SH3BGR: variants seen among roughly 807,000 people sequenced by gnomAD.
SH3BGR encodes the protein SH3 domain binding glutamate rich protein, also known as SH3 domain-binding glutamic acid-rich protein.
A neutral mutation model predicts 24.5 loss-of-function variants in SH3BGR; 29 were observed. The ratio of observed to expected loss-of-function variants is 1.18; its 90% confidence interval spans 0.88 to 1.61. The LOEUF (loss-of-function observed/expected upper bound fraction) is 1.61. Ranked by LOEUF, SH3BGR falls within the 40% of genes most tolerant of loss-of-function variation. The pLI is 0.00. For synonymous variants in SH3BGR, 55 were observed against 65.7 expected, an observed-to-expected ratio of 0.84 and a Z score of 0.79; for missense variants, 162 against 205.8, an observed-to-expected ratio of 0.79 and a Z score of 1.30.
chr21:39,472,644 T>C (rs1360488419), intron 2 of SH3BGR, among the ~76,000 whole-genome samples: 2 of 152,218 alleles, frequency 1.3e-5, no homozygotes, highest in African/African-American at 4.8e-5. Context: ...TGAATTCTAC[T>C]TGTGGTTATA....
intron 2 of SH3BGR, among the ~76,000 whole-genome samples, chr21:39,472,668 G>A (rs1411149997): frequency 9.2e-5 from 14 of 152,158 alleles, no homozygotes; most frequent in Admixed American, 4.6e-4. Flanking sequence ...TCTCAGAGGA[G>A]AATATTTTCC....
chr21:39,499,767 T>G, intron 3 of SH3BGR, 56 bp from the exon 4 acceptor site: 1 of 1,351,244 alleles, frequency 7.4e-7, no homozygotes, highest in Non-Finnish European at 1.0e-6. Flanking sequence ...GTGGCCTGTT[T>G]TTTTTTTTCT....
At chr21:39,462,272 A>G (rs988093421) in intron 1 of SH3BGR, 103 bp from the exon 2 acceptor site, 4 of 781,616 alleles carry the variant, frequency 5.1e-6, no homozygotes, top group Middle Eastern at 3.3e-4. Flanking sequence ...ACTTAACAAA[A>G]TTATTTGTGT....
chr21:39,457,533 CTT>C (rs1287758099), intron 1 of SH3BGR, among the ~76,000 whole-genome samples: 2 of 144,798 alleles, frequency 1.4e-5, no homozygotes, highest in African/African-American at 5.0e-5. Flanking sequence ...ATATATAAAT[CTT>C]ATATATAAGA....
At chr21:39,448,232 G>T (rs949010176), upstream of SH3BGR, among the ~76,000 whole-genome samples, 3 of 152,146 alleles carry the variant, frequency 2.0e-5, no homozygotes, top group African/African-American at 7.2e-5. Context: ...TCCAAATAAG[G>T]TTACATGCTG....
chr21:39,479,716 CACTT>C, intron 3 of SH3BGR, among the ~76,000 whole-genome samples: 1 of 152,278 alleles, frequency 6.6e-6, no homozygotes. Flanking sequence ...AGGGGACAGT[CACTT>C]GCCGTCCAGG....
chr21:39,450,372 A>G (rs542789599), upstream of SH3BGR, among the ~76,000 whole-genome samples: 1 of 152,322 alleles, frequency 6.6e-6, no homozygotes, highest in East Asian at 1.9e-4. Flanking sequence ...TCAATCATTC[A>G]TTGTGATGTA....
chr21:39,515,161 G>T lies in SH3BGR; in HGVS notation c.*108G>T, dbSNP rs1189376602. On this transcript the variant is annotated 3_prime_UTR_variant, in exon 7 of 7. Transcript: ENST00000333634. ...ACTCAACAGAATACTTTGGCTTGAA[G>T]CCGGCACACCCAGGGTTACTGAGGA... is the stretch of plus-strand genomic sequence containing the variant. The T allele has an allele frequency of 4.3e-6, 2 of 469,148 alleles. No individual in the cohort carries two copies. The highest frequency in any genetic ancestry group is 4.7e-5 in the Admixed American group (2 of 42,250). The allele number at this position is 469,148 out of a possible 1,614,324, so 29.1% of individuals were successfully genotyped here.
intron 3 of SH3BGR, among the ~76,000 whole-genome samples, chr21:39,495,245 T>A (rs2078373610): frequency 6.6e-6 from 1 of 152,196 alleles, no homozygotes; most frequent in Non-Finnish European, 1.5e-5. Flanking sequence ...TCCTGGTTCC[T>A]TGTATGTTAA....
intron 3 of SH3BGR, among the ~76,000 whole-genome samples, chr21:39,482,936 C>T (rs1490028762): frequency 2.6e-5 from 4 of 152,164 alleles, no homozygotes; most frequent in Non-Finnish European, 5.9e-5. Context: ...TCCCAAAGTG[C>T]TGGATTACAG....
intron 1 of SH3BGR, among the ~76,000 whole-genome samples, chr21:39,462,139 G>A (rs550315529): frequency 7.2e-5 from 11 of 152,222 alleles, no homozygotes; most frequent in South Asian, 4.1e-4. Flanking sequence ...GTGAGCCATC[G>A]CACCCAGCCT....
At chr21:39,446,542 T>G (rs2077474455) in intron 1 of SH3BGR, among the ~76,000 whole-genome samples, 1 of 152,230 alleles carries the variant, frequency 6.6e-6, no homozygotes. Flanking sequence ...GTCCCGATAC[T>G]TGGCCCGCAT....
upstream of SH3BGR, among the ~76,000 whole-genome samples, chr21:39,450,450 G>T (rs1337632555): frequency 6.6e-6 from 1 of 152,172 alleles, no homozygotes; most frequent in Non-Finnish European, 1.5e-5. Flanking sequence ...CTCGTTGCAG[G>T]CACCTACCTG....
chr21:39,474,610 G>C (rs1374746061), intron 2 of SH3BGR, among the ~76,000 whole-genome samples: 2 of 152,108 alleles, frequency 1.3e-5, no homozygotes, highest in Non-Finnish European at 2.9e-5. Flanking sequence ...CCACTACCAA[G>C]TTTCCAATCA....
intron 2 of SH3BGR, among the ~76,000 whole-genome samples, chr21:39,474,659 A>G (rs1250211980): frequency 2.6e-5 from 4 of 151,974 alleles, no homozygotes; most frequent in East Asian, 1.9e-4. Context: ...GTCGCCCTCT[A>G]TGTCCCCCAT....
At chr21:39,501,113 T>C (rs987614304) in intron 4 of SH3BGR, among the ~76,000 whole-genome samples, 1 of 152,228 alleles carries the variant, frequency 6.6e-6, no homozygotes, top group Non-Finnish European at 1.5e-5. Flanking sequence ...AATTAAAACA[T>C]AATCTGTTTC....
chr21:39,464,034 C>T (rs1029726562), intron 2 of SH3BGR, among the ~76,000 whole-genome samples: 2 of 152,130 alleles, frequency 1.3e-5, no homozygotes, highest in Non-Finnish European at 2.9e-5. Flanking sequence ...AGCTTGCCAC[C>T]GGTTCTTAGC....
chr21:39,482,404 CTG>C (rs2078143999), intron 3 of SH3BGR, among the ~76,000 whole-genome samples: 2 of 152,142 alleles, frequency 1.3e-5, no homozygotes, highest in Non-Finnish European at 2.9e-5. Context: ...AAGAAAGTAA[CTG>C]TAAAATATTT....
rs562177546 is a variant in SH3BGR at position 39,454,533 on chromosome 21, A to T, written c.45+2392A>T. Among the ~76,000 whole-genome samples the T allele has an allele frequency of 7.2e-5, 11 of 152,090 alleles. No homozygotes were observed. The South Asian group carries it at 2.1e-3, about 29-fold the overall frequency. On this transcript the variant is annotated intron_variant, in intron 1 of 6. Coordinates refer to ENST00000333634, the MANE Select transcript of SH3BGR (RefSeq NM_007341.3). ...GAGAGGGCGCGTGACTTCTTCTAGGACCCTCCTCTCTTCCAGAAGGCCACA... is the reference window on the plus strand; with the variant it reads ...GAGAGGGCGCGTGACTTCTTCTAGGTCCCTCCTCTCTTCCAGAAGGCCACA...
Sources: gnomAD v4.1 joint callset for allele counts (sites outside exome capture counted in the v4.1 genomes callset) on GRCh38, gnomAD v4.1.1 for gene constraint, MANE v1.5 for transcripts, NCBI Gene and HGNC (gene_info 2026-07-23, HGNC 2026-07-21) for gene names.